PHKA2: variants seen among roughly 807,000 people sequenced by gnomAD.
PHKA2 encodes phosphorylase b kinase regulatory subunit alpha, liver isoform.
In PHKA2, 31 loss-of-function variants were observed where a neutral mutation model predicts 102.0. That is an observed-to-expected ratio of 0.30 (90% CI 0.23 to 0.41). PHKA2 has a LOEUF of 0.41. Among genes scored for constraint, PHKA2 ranks in the 10% least tolerant of loss-of-function variants. The pLI is 1.00. For synonymous variants in PHKA2, 455 were observed against 416.2 expected, an observed-to-expected ratio of 1.09 and a Z score of -1.13; for missense variants, 858 against 1,023.1, an observed-to-expected ratio of 0.84 and a Z score of 2.20.
At chrX:18,895,002 G>A in intron 31 of PHKA2, 136 bp downstream of exon 31, 1 of 633,100 alleles carries the variant, frequency 1.6e-6, no homozygotes, top group African/African-American at 2.2e-5. Context: ...GGGTGAAGGG[G>A]CTAGACAGCT....
chrX:18,981,066 C>CT lies in PHKA2; in HGVS notation c.78+2788dup, dbSNP rs772664464. ...TTAGAAACCGTTCGTGCAGCTCATT[C>CT]TTTTTTTTTTAATTGTGGTAAAATA... On this transcript the variant is annotated intron_variant, in intron 1 of 32. Coordinates refer to ENST00000379942, the MANE Select transcript of PHKA2 (RefSeq NM_000292.3). 3.5e-3 allele frequency among the ~76,000 whole-genome samples: 374 copies of CT among 107,730 alleles called. 2 individuals are homozygous for CT. The highest frequency in any genetic ancestry group is 0.012 in the African/African-American group (344 of 29,809). The allele number at this position is 107,730 out of a possible 115,157, so 93.6% of individuals were successfully genotyped here.
At chrX:18,903,760 C>T (rs1050173915) in intron 26 of PHKA2, among the ~76,000 whole-genome samples, 3 of 112,017 alleles carry the variant, frequency 2.7e-5, no homozygotes, top group African/African-American at 6.5e-5. Flanking sequence ...GGGCTCAAAC[C>T]GGTCCCTAGC....
chrX:18,912,970 T>C (rs2047952288), intron 19 of PHKA2, among the ~76,000 whole-genome samples: 1 of 108,630 alleles, frequency 9.2e-6, no homozygotes, highest in African/African-American at 3.4e-5. Context: ...TCCCAGCTAC[T>C]GGAGGGCTGA....
At chrX:18,923,434 T>C (rs1293469170) in intron 17 of PHKA2, among the ~76,000 whole-genome samples, 1 of 111,516 alleles carries the variant, frequency 9.0e-6, no homozygotes, top group Non-Finnish European at 1.9e-5. Context: ...CTTGTGACAG[T>C]AGAGGGCACA....
chrX:18,952,185 CAAAAAAAAAAA>C (rs1282109594), intron 3 of PHKA2, among the ~76,000 whole-genome samples: 1 of 21,506 alleles, frequency 4.6e-5, no homozygotes, highest in South Asian at 3.2e-3. Context: ...ATTGTATCTA[CAAAAAAAAAAA>C]AAAAAAAAAA....
rs1212125323 is a variant in PHKA2, at chrX:18,895,150, C to T, written c.3324G>A (p.Ser1108=). 4.8e-5 allele frequency: 58 copies of T among 1,209,255 alleles called. No individual in the cohort carries two copies. The highest frequency in any genetic ancestry group is 8.8e-5 in the African/African-American group (5 of 57,112). ...TTTCTCATCGTACCTCTCGGGTCGT[C>T]GAGGATGGGAGGACATAACCATCGA... ...LSIDGYVLPS[S]TTREMTPHEI... The change falls in exon 31 of 33, where the codon TCG becomes TCA. Residue 1108 remains serine (S), a synonymous_variant. Coordinates refer to ENST00000379942, the MANE Select transcript of PHKA2 (RefSeq NM_000292.3).
chrX:18,902,560 G>C (rs186106738), intron 26 of PHKA2, among the ~76,000 whole-genome samples: 1 of 95,290 alleles, frequency 1.0e-5, no homozygotes, highest in Non-Finnish European at 2.1e-5. Context: ...CCGGGATTTC[G>C]AGACCAGCCT....
At chrX:18,961,431 G>A (rs1474553463) in intron 1 of PHKA2, among the ~76,000 whole-genome samples, 3 of 110,514 alleles carry the variant, frequency 2.7e-5, no homozygotes, top group Non-Finnish European at 5.7e-5. Context: ...AGGCCGAGGC[G>A]GGTGGATCAT....
chrX:18,910,562 G>A (rs909882097), intron 20 of PHKA2, among the ~76,000 whole-genome samples: 1 of 112,194 alleles, frequency 8.9e-6, no homozygotes, highest in Non-Finnish European at 1.9e-5. Context: ...ACAGTTAGGC[G>A]GGGTTAGGTA....
chrX:18,952,016 T>G (rs2048698471), intron 3 of PHKA2, among the ~76,000 whole-genome samples: 1 of 109,385 alleles, frequency 9.1e-6, no homozygotes, highest in Non-Finnish European at 1.9e-5. Flanking sequence ...CCTTTGAGAC[T>G]GTGATACAAT....
intron 13 of PHKA2, 138 bp downstream of exon 13, chrX:18,929,090 T>C (rs1438286511): frequency 2.0e-6 from 1 of 488,382 alleles, no homozygotes; most frequent in African/African-American, 2.4e-5. Flanking sequence ...ATATAAGGCA[T>C]CTCACACAAC....
chrX:18,901,912 G>A (rs964549299), intron 26 of PHKA2, among the ~76,000 whole-genome samples: 1 of 109,536 alleles, frequency 9.1e-6, no homozygotes, highest in Admixed American at 9.7e-5. Context: ...GCATGATCTC[G>A]GCTCACTGCA....
rs1430834450 is a variant in PHKA2, at chrX:18,925,761, C to T, written c.1476G>A (p.Met492Ile). Residue 492 changes from methionine to isoleucine, a missense_variant, in exon 15 of 33, where the codon ATG becomes ATA. Physicochemically the swap from Met to Ile is conservative, Grantham distance 10 (BLOSUM62 1). Around this residue, in one of 2 missense-constraint regions of PHKA2, gnomAD observed 671 missense variants for 745.2 expected, o/e 0.90. Transcript: ENST00000379942. ...IYAKLGRNKN[M>I]NLSGRPYRHI... ...GTCGATACGGTCGCCCACTCAAATT[C>T]ATATTCTTATTCCGTCCTGTTTGAG... 1 of 1,174,812 alleles carries T rather than the reference C, an allele frequency of 8.5e-7. No homozygotes were observed. The highest frequency in any genetic ancestry group is 2.2e-5 in the Admixed American group (1 of 45,973).
chrX:18,895,103 CAG>C (rs761140537), intron 31 of PHKA2, 33 bp downstream of exon 31: 3 of 1,192,323 alleles, frequency 2.5e-6, no homozygotes, highest in South Asian at 3.5e-5. Flanking sequence ...TGTGAACCCA[CAG>C]AGGGGCCCGC....
At chrX:18,900,810 G>A (rs747523452) in intron 27 of PHKA2, 111 bp from the exon 28 acceptor site, 4 of 643,406 alleles carry the variant, frequency 6.2e-6, no homozygotes, top group East Asian at 3.4e-5. Flanking sequence ...ACCGCAGGGG[G>A]TGACCCATGA....
intron 1 of PHKA2, among the ~76,000 whole-genome samples, chrX:18,957,833 TTTTC>T (rs1203816494): frequency 9.4e-6 from 1 of 106,935 alleles, no homozygotes; most frequent in Non-Finnish European, 1.9e-5. Context: ...CATGCACAGG[TTTTC>T]TTTTTGAAGG....
At chrX:18,916,786 G>A (rs975869451) in intron 19 of PHKA2, among the ~76,000 whole-genome samples, 10 of 111,980 alleles carry the variant, frequency 8.9e-5, no homozygotes, top group African/African-American at 2.3e-4. Context: ...CTGTACAGCC[G>A]GCAGAACCCT....
At chrX:18,948,508 A>G (rs1156270851) in intron 5 of PHKA2, among the ~76,000 whole-genome samples, 1 of 112,131 alleles carries the variant, frequency 8.9e-6, no homozygotes, top group Non-Finnish European at 1.9e-5. Context: ...ATAAAAAAAT[A>G]TAACAAGCAT....
At chrX:18,944,821 GACCC>G (rs1370885477) in intron 6 of PHKA2, among the ~76,000 whole-genome samples, 1 of 112,125 alleles carries the variant, frequency 8.9e-6, no homozygotes, top group Non-Finnish European at 1.9e-5. Context: ...CAAGAGCTTA[GACCC>G]ATGGGTGATG....
Sources: allele counts gnomAD v4.1 joint callset (sites outside exome capture counted in the v4.1 genomes callset), GRCh38; gene constraint gnomAD v4.1.1; regional missense constraint gnomAD v4.1.1; transcripts MANE v1.5; gene names NCBI Gene and HGNC (gene_info 2026-07-23, HGNC 2026-07-21).